The following ST3GAL3 variants were observed in gnomAD, a reference collection of about 807,000 sequenced individuals.
ST3GAL3 encodes the protein CMP-N-acetylneuraminate-beta-1,4-galactoside alpha-2,3-sialyltransferase.
In ST3GAL3, 21 loss-of-function variants were observed where a neutral mutation model predicts 50.1. That is an observed-to-expected ratio of 0.42 (90% CI 0.30 to 0.60). The LOEUF (loss-of-function observed/expected upper bound fraction) is 0.60. Ranked by LOEUF, ST3GAL3 falls within the 20% of genes least tolerant of loss-of-function variation. The pLI is 0.19. For synonymous variants in ST3GAL3, 183 were observed against 190.0 expected (o/e 0.96, Z 0.30); for missense variants, 353 against 489.4 (o/e 0.72, Z 2.63).
intron 5 of ST3GAL3, among the ~76,000 whole-genome samples, chr1:43,892,410 A>G (rs2076810688): frequency 6.6e-6 from 1 of 152,226 alleles, no homozygotes; most frequent in South Asian, 2.1e-4. Flanking sequence ...GTCTCTGTAT[A>G]GCAGGAGAAA....
intron 2 of ST3GAL3, among the ~76,000 whole-genome samples, chr1:43,743,257 T>C (rs1032187088): frequency 1.0e-5 from 1 of 95,924 alleles, no homozygotes; most frequent in Admixed American, 1.0e-4. Flanking sequence ...AGCCCCCTTA[T>C]AGAGCCAACC....
chr1:43,760,039 C>T (rs1689694624), intron 2 of ST3GAL3, among the ~76,000 whole-genome samples: 11 of 152,146 alleles, frequency 7.2e-5, no homozygotes, highest in Admixed American at 7.2e-4. Context: ...AGGAAAAGCC[C>T]TCATGGTATG....
At chr1:43,896,978 AT>A (rs1037759566) in intron 6 of ST3GAL3, among the ~76,000 whole-genome samples, 3 of 148,640 alleles carry the variant, frequency 2.0e-5, no homozygotes, top group Non-Finnish European at 3.0e-5. Flanking sequence ...TATTCTTCAT[AT>A]TTTTTTAATG....
intron 5 of ST3GAL3, among the ~76,000 whole-genome samples, chr1:43,844,349 G>A (rs1374798086): frequency 2.0e-5 from 3 of 152,174 alleles, no homozygotes; most frequent in African/African-American, 7.2e-5. Flanking sequence ...CTGCCAACCA[G>A]CACCCAACAT....
rs141695836 is a variant in ST3GAL3 at position 43,723,784 on chromosome 1, G to A, written c.-30-12449G>A. 6.3e-3 allele frequency among the ~76,000 whole-genome samples: 955 copies of A among 151,864 alleles called. 8 individuals carry two copies. The highest frequency in any genetic ancestry group is 8.3e-3 in the Non-Finnish European group (563 of 67,942). On this transcript the variant is annotated intron_variant, in intron 1 of 11. Coordinates refer to ENST00000347631, the MANE Select transcript of ST3GAL3 (RefSeq NM_006279.5). The stretch of plus-strand genomic sequence containing the variant: ...ACATCACCATGCCTGGCTAATTTTC[G>A]TATTTTTAGTAGAGATGAGGTTTCA...
At chr1:43,767,182 T>A (rs1430321910) in intron 2 of ST3GAL3, among the ~76,000 whole-genome samples, 3 of 152,144 alleles carry the variant, frequency 2.0e-5, no homozygotes, top group Non-Finnish European at 4.4e-5. Context: ...GACGGACAGA[T>A]GCTTGGAAAG....
At chr1:43,805,060 A>G (rs559092564) in intron 3 of ST3GAL3, among the ~76,000 whole-genome samples, 2 of 152,324 alleles carry the variant, frequency 1.3e-5, no homozygotes, top group East Asian at 3.9e-4. Flanking sequence ...ACCCAAATAC[A>G]TGTAAGCTAG....
At chr1:43,817,322 TCTTCTTCTTC>T (rs1485384210) in intron 4 of ST3GAL3, among the ~76,000 whole-genome samples, 3 of 150,666 alleles carry the variant, frequency 2.0e-5, no homozygotes, top group African/African-American at 7.5e-5. Flanking sequence ...GCTTGCTGCT[TCTTCTTCTTC>T]CTTCTTCCTT....
chr1:43,900,514 A>G (rs984565349), intron 9 of ST3GAL3, among the ~76,000 whole-genome samples: 1 of 151,666 alleles, frequency 6.6e-6, no homozygotes, highest in African/African-American at 2.4e-5. Context: ...GAACTTGTCC[A>G]GGCCCACTCC....
intron 5 of ST3GAL3, among the ~76,000 whole-genome samples, chr1:43,859,940 G>T (rs904359760): frequency 1.2e-4 from 18 of 152,192 alleles, no homozygotes; most frequent in Admixed American, 1.2e-3. Flanking sequence ...GCAGGACTCT[G>T]CCAGCTATAT....
chr1:43,734,266 C>G (rs1372898310), intron 1 of ST3GAL3, among the ~76,000 whole-genome samples: 1 of 135,828 alleles, frequency 7.4e-6, no homozygotes, highest in Non-Finnish European at 1.6e-5. Context: ...TTTATGTTTT[C>G]TTTTCTTTCT....
intron 3 of ST3GAL3, among the ~76,000 whole-genome samples, chr1:43,811,625 G>A (rs2060572173): frequency 6.6e-6 from 1 of 152,168 alleles, no homozygotes; most frequent in South Asian, 2.1e-4. Context: ...ATTAGTTTTT[G>A]CCACAGATTC....
intron 2 of ST3GAL3, among the ~76,000 whole-genome samples, chr1:43,771,733 TGTGTGTG>T (rs1558230255): frequency 3.8e-5 from 1 of 26,586 alleles, no homozygotes; most frequent in African/African-American, 5.7e-5. Context: ...AATAAAGTTG[TGTGTGTG>T]TGTGTGTGTG....
chr1:43,862,386 C>G (rs908875177), intron 5 of ST3GAL3, among the ~76,000 whole-genome samples: 2 of 152,222 alleles, frequency 1.3e-5, no homozygotes, highest in African/African-American at 4.8e-5. Context: ...ATTTTTACCT[C>G]TATCTTACCC....
At chr1:43,882,973 TTATTTA>T (rs1216891828) in intron 5 of ST3GAL3, among the ~76,000 whole-genome samples, 27 of 40,694 alleles carry the variant, frequency 6.6e-4, no homozygotes, top group East Asian at 4.7e-3. Context: ...ATTTATTTAT[TTATTTA>T]GAGACAGGCT....
At chr1:43,781,436 C>A (rs1272845800) in intron 2 of ST3GAL3, among the ~76,000 whole-genome samples, 1 of 151,778 alleles carries the variant, frequency 6.6e-6, no homozygotes, top group Non-Finnish European at 1.5e-5. Context: ...ATGGTGAAAC[C>A]CCCACTCTAC....
chr1:43,930,060 G>A (rs1178212394), intron 11 of ST3GAL3, 72 bp from the exon 12 acceptor site: 8 of 1,295,986 alleles, frequency 6.2e-6, no homozygotes, highest in Non-Finnish European at 9.0e-6. Context: ...TGACGAAGAA[G>A]GCACCGAGCC....
intron 5 of ST3GAL3, among the ~76,000 whole-genome samples, chr1:43,872,252 T>TG (rs1346571688): frequency 9.9e-4 from 8 of 8,092 alleles, no homozygotes; most frequent in Admixed American, 2.0e-3. Flanking sequence ...GGAGGAGAGG[T>TG]GTGGGGGGAA....
intron 1 of ST3GAL3, among the ~76,000 whole-genome samples, chr1:43,710,781 G>T (rs142567964): frequency 2.0e-4 from 31 of 152,186 alleles, no homozygotes; most frequent in Non-Finnish European, 3.4e-4. Flanking sequence ...AACTTCCTTT[G>T]TGAAGCTTAT....
Sources: gnomAD v4.1 joint callset for allele counts (sites outside exome capture counted in the v4.1 genomes callset) on GRCh38, gnomAD v4.1.1 for gene constraint, MANE v1.5 for transcripts, NCBI Gene and HGNC (gene_info 2026-07-23, HGNC 2026-07-21) for gene names.